LARP4: variants seen among roughly 807,000 people sequenced by gnomAD.
LARP4 encodes La ribonucleoprotein 4.
Under a neutral mutation model 92.9 loss-of-function variants are expected in LARP4, and 29 were observed. The observed-to-expected ratio is 0.31, with a 90% CI of 0.23 to 0.43. The LOEUF (loss-of-function observed/expected upper bound fraction) is 0.43, where lower values mean the gene tolerates loss of function less well. LARP4 is among the 20% of genes least tolerant of loss of function. The pLI, the probability that LARP4 is intolerant of heterozygous loss-of-function variation, is 1.00. For missense variants in LARP4, 732 were observed against 860.0 expected (o/e 0.85, Z 1.86); for synonymous variants, 279 against 284.1 (o/e 0.98, Z 0.18).
chr12:50,457,959 T>G (rs1407157198), intron 10 of LARP4, among the ~76,000 whole-genome samples: 1 of 150,276 alleles, frequency 6.7e-6, no homozygotes, highest in Non-Finnish European at 1.5e-5. Flanking sequence ...TTTAAGACAG[T>G]GTTTTGCCCT....
At chr12:50,405,725 G>A (rs1047489956) in intron 1 of LARP4, among the ~76,000 whole-genome samples, 11 of 152,066 alleles carry the variant, frequency 7.2e-5, no homozygotes, top group African/African-American at 2.7e-4. Flanking sequence ...TTGGGTTTCT[G>A]TCTCTGTTTG....
intron 8 of LARP4, among the ~76,000 whole-genome samples, chr12:50,447,440 T>C (rs916237110): frequency 9.2e-5 from 14 of 152,218 alleles, no homozygotes; most frequent in Non-Finnish European, 1.6e-4. Flanking sequence ...ATGGTCTGCT[T>C]TATAAATTTA....
intron 1 of LARP4, among the ~76,000 whole-genome samples, chr12:50,406,252 T>C (rs934049704): frequency 6.6e-6 from 1 of 152,088 alleles, no homozygotes; most frequent in African/African-American, 2.4e-5. Context: ...GGAGGATAGC[T>C]TGAGCCCAGT....
intron 7 of LARP4, 145 bp downstream of exon 7, chr12:50,440,694 G>T: frequency 5.3e-6 from 3 of 569,068 alleles, no homozygotes; most frequent in Non-Finnish European, 6.3e-6. Flanking sequence ...TGCTCAATTG[G>T]TTTCCTTTTT....
intron 1 of LARP4, among the ~76,000 whole-genome samples, chr12:50,413,222 C>CAA (rs59345865): frequency 1.4e-5 from 2 of 139,038 alleles, no homozygotes; most frequent in African/African-American, 5.4e-5. Flanking sequence ...GACTGTGTCT[C>CAA]AAAAAAAAAA....
chr12:50,401,278 G>A, intron 1 of LARP4: 1 of 556,894 alleles, frequency 1.8e-6, no homozygotes, highest in South Asian at 1.9e-5. Flanking sequence ...GTTCTGGTGT[G>A]GCGGTGAGGT....
intron 1 of LARP4, among the ~76,000 whole-genome samples, chr12:50,414,704 T>C (rs889117595): frequency 1.3e-5 from 2 of 152,226 alleles, no homozygotes; most frequent in African/African-American, 4.8e-5. Context: ...CTGAACAATA[T>C]GCATTGGAAC....
rs1196478884 is a variant in LARP4 at position 50,411,642 on chromosome 12, T to C, written c.18+10614T>C. On this transcript the variant is annotated intron_variant, in intron 1 of 15. Transcript: ENST00000398473. ...CTGAGCCCAGCCTAGGGACCCTAGT[T>C]GTAATCTGGCGGCTATTTTCTATAT... Among the ~76,000 whole-genome samples the C allele has an allele frequency of 2.6e-5, 4 of 151,728 alleles. No homozygotes were observed. The East Asian group carries it at 7.8e-4, about 30-fold the overall frequency.
intron 1 of LARP4, among the ~76,000 whole-genome samples, chr12:50,405,787 G>T (rs542495024): frequency 9.9e-5 from 15 of 152,234 alleles, no homozygotes; most frequent in African/African-American, 1.9e-4. Flanking sequence ...GTGGGAAATT[G>T]GTTCCAGGAC....
chr12:50,471,653 G>A (rs1956945656), intron 13 of LARP4, among the ~76,000 whole-genome samples: 1 of 152,002 alleles, frequency 6.6e-6, no homozygotes, highest in African/African-American at 2.4e-5. Context: ...CCTCCTGAAT[G>A]GTGAATACAG....
intron 1 of LARP4, among the ~76,000 whole-genome samples, chr12:50,403,567 G>T (rs145321070): frequency 9.2e-5 from 14 of 152,246 alleles, no homozygotes; most frequent in African/African-American, 3.1e-4. Flanking sequence ...GTAAAAAAAC[G>T]GAGAAGAGAT....
chr12:50,413,798 ATGG>A (rs1163089386), intron 1 of LARP4, among the ~76,000 whole-genome samples: 1 of 152,214 alleles, frequency 6.6e-6, no homozygotes, highest in Non-Finnish European at 1.5e-5. Flanking sequence ...TAACTATAGT[ATGG>A]TATAATGAGC....
rs771536368 is a variant in LARP4, at chr12:50,440,431, C to A, written c.640-8C>A. The A allele has an allele frequency of 1.2e-6, 2 of 1,603,654 alleles. No individual in the cohort carries two copies. Among genetic ancestry groups the A allele is most frequent in the South Asian group, 2.2e-5 (2 of 89,884 alleles). The stretch of plus-strand genomic sequence containing the variant: ...TTTAGAGTTAACTAATTTTCTTTTT[C>A]TTTTTAGGAAGTGAAAGGTTTGTTC... On this transcript the variant is annotated splice_region_variant and splice_polypyrimidine_tract_variant and intron_variant, in intron 6 of 15. Coordinates refer to ENST00000398473, the MANE Select transcript of LARP4 (RefSeq NM_052879.5).
chr12:50,433,851 G>C (rs916836189), intron 4 of LARP4, among the ~76,000 whole-genome samples: 3 of 151,992 alleles, frequency 2.0e-5, no homozygotes, highest in Admixed American at 1.3e-4. Flanking sequence ...TGTTGGCTAG[G>C]CTAATCTCAA....
chr12:50,454,151 CAGTGGTACTTGA>C (rs1352688234), intron 9 of LARP4, among the ~76,000 whole-genome samples, 151 bp from the exon 10 acceptor site: 40 of 152,110 alleles, frequency 2.6e-4, no homozygotes, highest in African/African-American at 7.5e-4. Flanking sequence ...TTCATAAATC[CAGTGGTACTTGA>C]AGTGAATATT....
chr12:50,455,696 A>T (rs1244883624), intron 10 of LARP4, among the ~76,000 whole-genome samples: 1 of 152,216 alleles, frequency 6.6e-6, no homozygotes, highest in Non-Finnish European at 1.5e-5. Context: ...AACATTGTGT[A>T]CTACTCTTTA....
intron 1 of LARP4, among the ~76,000 whole-genome samples, chr12:50,406,462 C>CA (rs34939971): frequency 6.6e-6 from 1 of 152,108 alleles, no homozygotes; most frequent in Non-Finnish European, 1.5e-5. Context: ...GCCTGGATGA[C>CA]AGAGTGAGAC....
rs1957754060 is a variant in LARP4 at position 50,479,590 on chromosome 12, TAA to T, written c.*3728_*3729del. The stretch of plus-strand genomic sequence containing the variant: ...AAATTCACCTGATTATTAGATAACT[TAA>T]AGTTTATTTTTAAAAGCTGACAACT... On this transcript the variant is annotated 3_prime_UTR_variant, in exon 16 of 16. Transcript: ENST00000398473. 1 of 152,218 alleles carries T rather than the reference TAA, an allele frequency of 6.6e-6. No individual in the cohort carries two copies. Among genetic ancestry groups the T allele is most frequent in the Non-Finnish European group, 1.5e-5 (1 of 68,032 alleles). The allele number at this position is 152,218 out of a possible 1,614,324, so 9.4% of individuals were successfully genotyped here. A position where few individuals can be genotyped will look rare whatever the true frequency, so the allele number is the denominator to read the frequency against.
Position 50,478,425 on chromosome 12 carries a change from A to G in LARP4, c.*2561A>G, listed in dbSNP as rs1593535024. 1.3e-5 allele frequency: 2 copies of G among 152,182 alleles called. No homozygotes were observed. The highest frequency in any genetic ancestry group is 3.4e-3 in the Middle Eastern group (1 of 294). 9.4% of individuals were successfully genotyped at this position (152,182 alleles called of 1,614,324 possible). On this transcript the variant is annotated 3_prime_UTR_variant, in exon 16 of 16. Coordinates refer to ENST00000398473, the MANE Select transcript of LARP4 (RefSeq NM_052879.5). ...TAAAGTTTGTATCTAAATAATGCCT[A>G]TGAGTTGTGTGAAGCTCTTGGCTTT...
Sources: allele counts gnomAD v4.1 joint callset (sites outside exome capture counted in the v4.1 genomes callset), GRCh38; gene constraint gnomAD v4.1.1; transcripts MANE v1.5; gene names NCBI Gene and HGNC (gene_info 2026-07-23, HGNC 2026-07-21).